NTRK2: variants seen among roughly 807,000 people sequenced by gnomAD.
NTRK2 encodes the protein BDNF/NT-3 growth factors receptor.
NTRK2 carries 13 observed loss-of-function variants against 94.5 expected under a neutral mutation model. That is an observed-to-expected ratio of 0.14 (90% confidence interval 0.09 to 0.22). The LOEUF (loss-of-function observed/expected upper bound fraction) is 0.22. Ranked by LOEUF, NTRK2 falls within the 10% of genes least tolerant of loss-of-function variation. The pLI, the probability that NTRK2 is intolerant of heterozygous loss-of-function variation, is 1.00. For synonymous variants in NTRK2, 372 were observed against 407.4 expected (o/e 0.91, Z 1.05); for missense variants, 639 against 1,071.2 (o/e 0.60, Z 5.63).
At chr9:84,677,881 A>T (rs1372923035) in intron 2 of NTRK2, among the ~76,000 whole-genome samples, 1 of 152,166 alleles carries the variant, frequency 6.6e-6, no homozygotes, top group Non-Finnish European at 1.5e-5. Flanking sequence ...GAGATAAATG[A>T]TTTGGTTGCC....
At chr9:84,724,389 G>A (rs757603414) in intron 8 of NTRK2, 33 bp downstream of exon 8, 3 of 1,613,802 alleles carry the variant, frequency 1.9e-6, no homozygotes. Flanking sequence ...GTTTTTAATA[G>A]CAAATGATCA....
intron 6 of NTRK2, among the ~76,000 whole-genome samples, chr9:84,715,085 A>C (rs1361377861): frequency 6.6e-6 from 1 of 152,212 alleles, no homozygotes; most frequent in Non-Finnish European, 1.5e-5. Context: ...TTTATATGCA[A>C]ATATGCATAT....
chr9:84,745,756 A>T (rs1017320113), intron 11 of NTRK2, among the ~76,000 whole-genome samples: 1 of 152,164 alleles, frequency 6.6e-6, no homozygotes. Context: ...AGGTGGAGAA[A>T]CATCGTGAAG....
intron 13 of NTRK2, among the ~76,000 whole-genome samples, chr9:84,865,567 C>T (rs1380061608): frequency 6.6e-6 from 1 of 152,096 alleles, no homozygotes; most frequent in Non-Finnish European, 1.5e-5. Flanking sequence ...CTGTGCTTCT[C>T]ACTAAAATAG....
At chr9:84,898,058 GTT>G (rs397965892) in intron 14 of NTRK2, among the ~76,000 whole-genome samples, 8,482 of 141,976 alleles carry the variant, frequency 0.06, 805 homozygotes, top group African/African-American at 0.2. Flanking sequence ...ATCTGCCACT[GTT>G]TTTTTTTTTT....
chr9:84,965,029 A>C (rs1270925662), intron 17 of NTRK2, among the ~76,000 whole-genome samples: 1 of 152,200 alleles, frequency 6.6e-6, no homozygotes, highest in East Asian at 1.9e-4. Context: ...CCTACACAGA[A>C]TTATTACTTA....
chr9:84,812,787 T>C (rs2071953260), intron 12 of NTRK2: 1 of 1,039,984 alleles, frequency 9.6e-7, no homozygotes. Flanking sequence ...AAAGGAATAT[T>C]TGTACCCAAC....
chr9:84,853,683 G>A (rs1179051990), intron 12 of NTRK2, among the ~76,000 whole-genome samples: 1 of 152,168 alleles, frequency 6.6e-6, no homozygotes, highest in Non-Finnish European at 1.5e-5. Context: ...CAAGATCCCT[G>A]TAGCAAATGC....
At chr9:84,741,980 A>G (rs932244499) in intron 10 of NTRK2, 53 bp downstream of exon 10, 8 of 1,464,286 alleles carry the variant, frequency 5.5e-6, no homozygotes, top group Admixed American at 1.7e-5. Flanking sequence ...TTTGTGTATC[A>G]TGAAGTAAAT....
At chr9:85,002,935 A>G (rs2133422770) in intron 17 of NTRK2, among the ~76,000 whole-genome samples, 1 of 152,272 alleles carries the variant, frequency 6.6e-6, no homozygotes, top group East Asian at 1.9e-4. Context: ...AGGCCAGGCT[A>G]GGAGGTGAGG....
At chr9:84,828,264 G>T (rs1240983104) in intron 12 of NTRK2, among the ~76,000 whole-genome samples, 1 of 152,112 alleles carries the variant, frequency 6.6e-6, no homozygotes, top group Non-Finnish European at 1.5e-5. Flanking sequence ...TTATGGGCAG[G>T]CCTCTTTGTG....
chr9:84,841,842 A>G (rs140359273), intron 12 of NTRK2, among the ~76,000 whole-genome samples: 1 of 152,210 alleles, frequency 6.6e-6, no homozygotes, highest in African/African-American at 2.4e-5. Flanking sequence ...TTGTCCTAAA[A>G]CAGTTCATTG....
At chr9:84,808,182 G>A (rs1245655358) in intron 12 of NTRK2, among the ~76,000 whole-genome samples, 1 of 152,172 alleles carries the variant, frequency 6.6e-6, no homozygotes, top group Non-Finnish European at 1.5e-5. Context: ...GGATGGCAAT[G>A]GTCCAGTAGA....
chr9:84,956,850 GT>G (rs61418898), intron 17 of NTRK2, among the ~76,000 whole-genome samples: 113,535 of 147,198 alleles, frequency 0.77, 44,318 homozygotes, highest in Non-Finnish European at 0.85. Flanking sequence ...GTTTTGTGGT[GT>G]TTTTTTTTTT....
rs144683985 is a variant in NTRK2 at position 84,991,137 on chromosome 9, C to T, written c.2173-29069C>T. ...CACACCTTATATTGACACATTTCCTCTCTTTTTCAAAGGAGGGATAATTGT... is the reference window on the plus strand; with the variant it reads ...CACACCTTATATTGACACATTTCCTTTCTTTTTCAAAGGAGGGATAATTGT... On this transcript the variant is annotated intron_variant, in intron 17 of 18. Transcript: ENST00000277120. Among the ~76,000 whole-genome samples the T allele has an allele frequency of 2.5e-3, 376 of 152,300 alleles. 6 individuals are homozygous for T. In the Middle Eastern group the frequency reaches 0.031, roughly 12 times the overall value.
At chr9:85,006,949 T>A (rs1588170030) in intron 17 of NTRK2, among the ~76,000 whole-genome samples, 1 of 152,290 alleles carries the variant, frequency 6.6e-6, no homozygotes, top group East Asian at 1.9e-4. Flanking sequence ...TAGCTGCTGG[T>A]TCTCCTCCCA....
intron 12 of NTRK2, among the ~76,000 whole-genome samples, chr9:84,755,887 C>T (rs1406852921): frequency 6.6e-6 from 1 of 152,102 alleles, no homozygotes. Context: ...GCTCCCGGCC[C>T]TGTTTCCATA....
At position 84,702,423 on chromosome 9, in the gene NTRK2, A is replaced by G; in HGVS notation, c.359+4A>G. ...AAAACAGCAACCTGCAGCACATGTAAGTAGAGATTGATTCTTTTGCTTCCC... is the reference window on the plus strand; with the variant it reads ...AAAACAGCAACCTGCAGCACATGTAGGTAGAGATTGATTCTTTTGCTTCCC... On this transcript the variant is annotated splice_donor_region_variant and intron_variant, in intron 4 of 18. Coordinates refer to ENST00000277120, the MANE Select transcript of NTRK2 (RefSeq NM_006180.6). 1 of 1,612,018 alleles carries G rather than the reference A, an allele frequency of 6.2e-7. No individual in the cohort carries two copies. The highest frequency in any genetic ancestry group is 8.5e-7 in the Non-Finnish European group (1 of 1,178,046).
chr9:84,931,716 C>CAAAAAAAAAAAAAA (rs11395381), intron 14 of NTRK2, among the ~76,000 whole-genome samples: 2 of 100,362 alleles, frequency 2.0e-5, no homozygotes, highest in African/African-American at 3.2e-5. Flanking sequence ...TAATAAAATG[C>CAAAAAAAAAAAAAA]AAAAAAAAAA....
Sources: allele counts gnomAD v4.1 joint callset (sites outside exome capture counted in the v4.1 genomes callset), GRCh38; gene constraint gnomAD v4.1.1; transcripts MANE v1.5; gene names NCBI Gene and HGNC (gene_info 2026-07-23, HGNC 2026-07-21).